The following MTARC2 variants were observed in gnomAD, a reference collection of about 807,000 sequenced individuals.
MTARC2 encodes the protein mitochondrial amidoxime reducing component 2, also known as MOCO sulphurase C-terminal domain containing 2.
Under a neutral mutation model 35.6 loss-of-function variants are expected in MTARC2, and 27 were observed. The observed-to-expected ratio is 0.76, with a 90% CI of 0.56 to 1.04. The LOEUF (loss-of-function observed/expected upper bound fraction) is 1.04. Ranked by LOEUF, MTARC2 falls within the 50% of genes least tolerant of loss-of-function variation. The probability of loss-of-function intolerance (pLI) is 0.00; values close to 1 mark genes in which losing one functional copy is unlikely to be tolerated. For missense variants in MTARC2, 412 were observed against 432.5 expected (o/e 0.95, Z 0.42); for synonymous variants, 158 against 167.1 (o/e 0.95, Z 0.42).
At position 220,748,432 on chromosome 1, in the gene MTARC2, A is replaced by G. The variant is rs2102536969; in HGVS notation, c.-100A>G. 13 of 1,199,294 alleles carry G rather than the reference A, an allele frequency of 1.1e-5. No individual in the cohort carries two copies. Among genetic ancestry groups the G allele is most frequent in the Middle Eastern group, 3.1e-4 (1 of 3,210 alleles). The allele number at this position is 1,199,294 out of a possible 1,614,324, so 74.3% of individuals were successfully genotyped here. On this transcript the variant is annotated 5_prime_UTR_variant, in exon 1 of 8. Coordinates refer to ENST00000366913, the MANE Select transcript of MTARC2 (RefSeq NM_017898.5). Reference sequence around the variant, plus strand: ...AGGGTCCGTAGTTGGGTCAACTTTGACTCCTCTCGCCTGCCCGGATCCTTA... The same window carrying G: ...AGGGTCCGTAGTTGGGTCAACTTTGGCTCCTCTCGCCTGCCCGGATCCTTA...
chr1:220,748,652 C>G lies in MTARC2; in HGVS notation c.121C>G (p.Arg41Gly), dbSNP rs745874324. Residue 41 changes from arginine to glycine, a missense_variant, in exon 1 of 8, where the codon CGC becomes GGC. By Grantham distance (125) the Arg-to-Gly change is moderately radical. Coordinates refer to ENST00000366913, the MANE Select transcript of MTARC2 (RefSeq NM_017898.5). ...CGTGGCCCTGGGGACTGTCGCCTGG[C>G]GCCGCGCATGGCCCAGGCGGCGCCG... The part of the protein sequence containing the change: ...AAVALGTVAW[R>G]RAWPRRRRRL... 7 of 1,547,796 alleles carry G rather than the reference C, an allele frequency of 4.5e-6. No individual in the cohort carries two copies. The highest frequency in any genetic ancestry group is 6.1e-6 in the Non-Finnish European group (7 of 1,150,722).
intron 1 of MTARC2, among the ~76,000 whole-genome samples, chr1:220,750,762 A>G (rs1476351968): frequency 3.9e-5 from 6 of 152,244 alleles, no homozygotes; most frequent in Non-Finnish European, 4.4e-5. Context: ...ATAAGGAAAC[A>G]GTATCAGAAT....
chr1:220,772,882 G>A (rs189151117), intron 4 of MTARC2, among the ~76,000 whole-genome samples: 90 of 152,202 alleles, frequency 5.9e-4, no homozygotes, highest in Non-Finnish European at 6.8e-4. Flanking sequence ...AATAACTTTC[G>A]GTTTGAGATC....
intron 4 of MTARC2, among the ~76,000 whole-genome samples, chr1:220,766,640 T>C (rs923786930): frequency 6.6e-6 from 1 of 152,096 alleles, no homozygotes; most frequent in African/African-American, 2.4e-5. Flanking sequence ...TAGTTTAAAA[T>C]CCTGAGCCAA....
At chr1:220,754,097 A>G (rs1671211282) in intron 1 of MTARC2, among the ~76,000 whole-genome samples, 1 of 152,196 alleles carries the variant, frequency 6.6e-6, no homozygotes, top group African/African-American at 2.4e-5. Flanking sequence ...AAATGAAACT[A>G]AACTGTGATA....
At chr1:220,761,954 A>T in intron 3 of MTARC2, 134 bp downstream of exon 3, 2 of 872,256 alleles carry the variant, frequency 2.3e-6, no homozygotes, top group Non-Finnish European at 3.6e-6. Context: ...AGTGATAATG[A>T]GGGCACAGCC....
At chr1:220,782,225 T>C (rs536460810) in intron 7 of MTARC2, among the ~76,000 whole-genome samples, 7 of 152,164 alleles carry the variant, frequency 4.6e-5, no homozygotes, top group Non-Finnish European at 1.0e-4. Flanking sequence ...CATTAAGGAA[T>C]AGGGAAATGA....
intron 4 of MTARC2, among the ~76,000 whole-genome samples, chr1:220,774,769 T>C (rs1451763807): frequency 1.3e-5 from 2 of 152,224 alleles, no homozygotes; most frequent in Admixed American, 6.5e-5. Context: ...TATACTTCTG[T>C]GGTCAGCTGG....
rs542010280 is a variant in MTARC2 at position 220,751,735 on chromosome 1, C to G, written c.272+2932C>G. Among the ~76,000 whole-genome samples the G allele has an allele frequency of 1.1e-4, 17 of 152,236 alleles. No homozygotes were observed. The South Asian group carries it at 3.5e-3, about 32-fold the overall frequency. ...TCTTTTGGGGAATCGGGGCTCCAGGCTTCTACACTGATCCCTCTACCACAT... is the reference window on the plus strand; with the variant it reads ...TCTTTTGGGGAATCGGGGCTCCAGGGTTCTACACTGATCCCTCTACCACAT... On this transcript the variant is annotated intron_variant, in intron 1 of 7. Coordinates refer to ENST00000366913, the MANE Select transcript of MTARC2 (RefSeq NM_017898.5).
chr1:220,776,745 C>T (rs1365304806), intron 4 of MTARC2, among the ~76,000 whole-genome samples: 1 of 152,160 alleles, frequency 6.6e-6, no homozygotes, highest in Non-Finnish European at 1.5e-5. Flanking sequence ...ATAATAACGA[C>T]GCAGAATTGC....
chr1:220,759,385 G>A (rs1671373421), intron 2 of MTARC2, among the ~76,000 whole-genome samples: 2 of 152,172 alleles, frequency 1.3e-5, no homozygotes, highest in South Asian at 4.1e-4. Flanking sequence ...GAAGAGAGTG[G>A]ACTTTGCAGA....
intron 1 of MTARC2, 147 bp downstream of exon 1, chr1:220,748,950 C>G (rs914840797): frequency 1.8e-6 from 2 of 1,094,130 alleles, no homozygotes; most frequent in Non-Finnish European, 2.4e-6. Flanking sequence ...GGTCGTTTAT[C>G]TGGGAAGGCC....
chr1:220,770,440 T>G, intron 4 of MTARC2: 1 of 985,424 alleles, frequency 1.0e-6, no homozygotes, highest in Non-Finnish European at 1.2e-6. Context: ...CGAGTGAGTG[T>G]GATACGTGAA....
chr1:220,764,757 G>A (rs116283449), intron 4 of MTARC2, among the ~76,000 whole-genome samples: 78 of 151,362 alleles, frequency 5.2e-4, no homozygotes, highest in Non-Finnish European at 1.0e-3. Flanking sequence ...GGGTGACAGA[G>A]CGAGAACCTG....
chr1:220,782,717 T>G (rs1266437915), intron 7 of MTARC2, among the ~76,000 whole-genome samples: 1 of 152,168 alleles, frequency 6.6e-6, no homozygotes, highest in Non-Finnish European at 1.5e-5. Flanking sequence ...CTGACCCTCC[T>G]TAAGGACAGT....
intron 2 of MTARC2, among the ~76,000 whole-genome samples, chr1:220,758,649 C>T (rs1235393324): frequency 1.3e-5 from 2 of 152,076 alleles, no homozygotes; most frequent in African/African-American, 4.8e-5. Context: ...GAACTCCTGA[C>T]CTCAAAGTAT....
chr1:220,761,974 G>A (rs924929047), intron 3 of MTARC2, among the ~76,000 whole-genome samples, 154 bp downstream of exon 3: 4 of 152,150 alleles, frequency 2.6e-5, no homozygotes, highest in Non-Finnish European at 5.9e-5. Flanking sequence ...CTAGGCAGAG[G>A]TACCAGGGGA....
chr1:220,774,954 C>CTGTGT (rs1671855743), intron 4 of MTARC2, among the ~76,000 whole-genome samples: 1 of 150,076 alleles, frequency 6.7e-6, no homozygotes, highest in African/African-American at 2.4e-5. Context: ...CGTGTGTGTG[C>CTGTGT]GTGTGTGTGT....
intron 4 of MTARC2, among the ~76,000 whole-genome samples, chr1:220,779,756 T>A (rs1672014764): frequency 6.6e-6 from 1 of 152,176 alleles, no homozygotes; most frequent in Non-Finnish European, 1.5e-5. Context: ...AATTTATGAC[T>A]CTCATGGCAA....
Sources: allele counts gnomAD v4.1 joint callset (sites outside exome capture counted in the v4.1 genomes callset), GRCh38; gene constraint gnomAD v4.1.1; transcripts MANE v1.5; gene names NCBI Gene and HGNC (gene_info 2026-07-23, HGNC 2026-07-21).